UNC13C: variants seen among roughly 807,000 people sequenced by gnomAD.
UNC13C encodes the protein unc-13 homolog C, also known as protein unc-13 homolog C.
A neutral mutation model predicts 245.4 loss-of-function variants in UNC13C; 174 were observed. The observed-to-expected ratio is 0.71, with a 90% CI of 0.63 to 0.80. The LOEUF is 0.80. Among genes scored for constraint, UNC13C ranks in the 30% least tolerant of loss-of-function variants. The pLI is 0.00. For synonymous variants in UNC13C, 992 were observed against 895.1 expected, an observed-to-expected ratio of 1.11 and a Z score of -1.93; for missense variants, 2,829 against 2,602.9, an observed-to-expected ratio of 1.09 and a Z score of -1.89.
the UNC13C span, among the ~76,000 whole-genome samples, chr15:53,883,023 G>T: frequency 2.0e-5 from 3 of 151,818 alleles, no homozygotes; most frequent in East Asian, 5.8e-4. Context: ...TAACAAACCT[G>T]CACATCCCGC....
intron 10 of UNC13C, 108 bp downstream of exon 10, chr15:54,265,604 C>A: frequency 4.7e-6 from 4 of 844,414 alleles, no homozygotes; most frequent in Non-Finnish European, 6.7e-6. Context: ...TAATCTCTTA[C>A]CCAAAAGTAA....
At chr15:54,475,614 A>C (rs1596448306) in intron 19 of UNC13C, among the ~76,000 whole-genome samples, 1 of 151,360 alleles carries the variant, frequency 6.6e-6, no homozygotes, top group African/African-American at 2.4e-5. Flanking sequence ...AATTTCATCC[A>C]TGTCCCTACA....
chr15:54,204,217 CA>C (rs984187915), intron 4 of UNC13C, among the ~76,000 whole-genome samples: 8 of 139,158 alleles, frequency 5.7e-5, no homozygotes, highest in African/African-American at 2.1e-4. Context: ...ATGGGTGCAC[CA>C]AAATCTCAGA....
chr15:54,522,280 G>T (rs1471885352), intron 24 of UNC13C, among the ~76,000 whole-genome samples: 1 of 151,454 alleles, frequency 6.6e-6, no homozygotes, highest in Non-Finnish European at 1.5e-5. Flanking sequence ...AGACCAGCCT[G>T]GTCAACATGG....
intron 19 of UNC13C, among the ~76,000 whole-genome samples, chr15:54,459,022 T>C (rs1318485833): frequency 6.6e-6 from 1 of 152,162 alleles, no homozygotes; most frequent in Admixed American, 6.5e-5. Context: ...AGATTCTATT[T>C]TGGTGTATTT....
chr15:54,368,700 A>G (rs2039421726), intron 17 of UNC13C, among the ~76,000 whole-genome samples: 1 of 152,180 alleles, frequency 6.6e-6, no homozygotes, highest in Non-Finnish European at 1.5e-5. Flanking sequence ...AGTATCTGCT[A>G]TATGACTGAT....
chr15:53,933,221 C>G, the UNC13C span, among the ~76,000 whole-genome samples: 5 of 152,118 alleles, frequency 3.3e-5, 1 homozygote, highest in Non-Finnish European at 5.9e-5. Context: ...CCCACTTCCC[C>G]CTACCATGAA....
chr15:54,188,015 A>T (rs1055302777), intron 4 of UNC13C, among the ~76,000 whole-genome samples: 18 of 152,186 alleles, frequency 1.2e-4, no homozygotes, highest in African/African-American at 4.3e-4. Flanking sequence ...ATGGAGTTTC[A>T]TCATGTTGGT....
chr15:54,535,241 G>C (rs117012737), intron 26 of UNC13C, among the ~76,000 whole-genome samples: 7,959 of 151,902 alleles, frequency 0.052, 347 homozygotes, highest in Admixed American at 0.13. Context: ...GACAAAATAG[G>C]CTTTTAACAA....
the UNC13C span, among the ~76,000 whole-genome samples, chr15:53,906,108 A>C: frequency 1.3e-5 from 2 of 152,084 alleles, no homozygotes; most frequent in African/African-American, 4.8e-5. Context: ...CCGAGGCGGA[A>C]GGATCCCTTG....
chr15:54,568,101 T>A (rs1420359023), intron 30 of UNC13C, among the ~76,000 whole-genome samples, 154 bp downstream of exon 30: 2 of 152,052 alleles, frequency 1.3e-5, no homozygotes, highest in Admixed American at 6.6e-5. Flanking sequence ...GAATACCAAT[T>A]TTTTTAGTGT....
chr15:54,316,844 T>C (rs1267148449), intron 13 of UNC13C, among the ~76,000 whole-genome samples: 1 of 151,964 alleles, frequency 6.6e-6, no homozygotes, highest in African/African-American at 2.4e-5. Context: ...CTCCATCCTA[T>C]GGCCCACCCA....
At chr15:53,869,482 G>A in the UNC13C span, among the ~76,000 whole-genome samples, 94,954 of 152,058 alleles carry the variant, frequency 0.62, 29,695 homozygotes, top group East Asian at 0.68. Context: ...TTCTTTCAAT[G>A]TTAGGATGAA....
chr15:54,605,812 G>T (rs1428828896), intron 30 of UNC13C, among the ~76,000 whole-genome samples: 1 of 152,204 alleles, frequency 6.6e-6, no homozygotes, highest in African/African-American at 2.4e-5. Flanking sequence ...CGAGCAATAT[G>T]CCATGAAGGC....
At chr15:54,103,991 C>G (rs187510358) in intron 2 of UNC13C, among the ~76,000 whole-genome samples, 207 of 152,356 alleles carry the variant, frequency 1.4e-3, no homozygotes, top group African/African-American at 4.7e-3. Context: ...GATCTGCCCG[C>G]CTCGGCCTCC....
intron 30 of UNC13C, among the ~76,000 whole-genome samples, chr15:54,571,512 A>G (rs1167315440): frequency 1.3e-5 from 2 of 152,198 alleles, no homozygotes; most frequent in African/African-American, 4.8e-5. Context: ...CACGGTGTAA[A>G]TATTGTTGCA....
chr15:53,871,267 A>G, the UNC13C span, among the ~76,000 whole-genome samples: 2 of 151,840 alleles, frequency 1.3e-5, no homozygotes, highest in African/African-American at 2.4e-5. Context: ...TTGACCTTCC[A>G]CACTTATGCC....
chr15:54,552,614 A>AATTATATTAT (rs1168623331), intron 28 of UNC13C, among the ~76,000 whole-genome samples: 1 of 82,572 alleles, frequency 1.2e-5, no homozygotes, highest in Non-Finnish European at 2.0e-5. Context: ...ATAATTATAT[A>AATTATATTAT]ATTATATTAT....
chr15:54,076,776 G>A (rs1898651412), intron 2 of UNC13C, among the ~76,000 whole-genome samples: 1 of 152,148 alleles, frequency 6.6e-6, no homozygotes, highest in African/African-American at 2.4e-5. Context: ...TCAGATCCCT[G>A]TGGGAGTATT....
Sources: gnomAD v4.1 joint callset for allele counts (sites outside exome capture counted in the v4.1 genomes callset) on GRCh38, gnomAD v4.1.1 for gene constraint, MANE v1.5 for transcripts, NCBI Gene and HGNC (gene_info 2026-07-23, HGNC 2026-07-21) for gene names.